ASPH: variants seen among roughly 807,000 people sequenced by gnomAD.
ASPH encodes the protein aspartyl/asparaginyl beta-hydroxylase.
Under a neutral mutation model 118.4 loss-of-function variants are expected in ASPH, and 100 were observed. The observed-to-expected ratio is 0.84, with a 90% CI of 0.72 to 1.00. The LOEUF (loss-of-function observed/expected upper bound fraction) is 1.00. Ranked by LOEUF, ASPH falls within the 50% of genes least tolerant of loss-of-function variation. ASPH has a pLI of 0.00. For missense variants in ASPH, 920 were observed against 919.5 expected, an observed-to-expected ratio of 1.00 and a Z score of -0.01; for synonymous variants, 315 against 325.6, an observed-to-expected ratio of 0.97 and a Z score of 0.35.
chr8:61,695,850 C>G (rs1001002392), intron 1 of ASPH, among the ~76,000 whole-genome samples: 1 of 152,200 alleles, frequency 6.6e-6, no homozygotes, highest in Non-Finnish European at 1.5e-5. Flanking sequence ...ACTTCTTCTG[C>G]TAACACTTTA....
intron 21 of ASPH, among the ~76,000 whole-genome samples, chr8:61,534,193 C>T (rs369592764): frequency 1.9e-4 from 29 of 152,280 alleles, no homozygotes; most frequent in Admixed American, 1.3e-3. Context: ...GTGATCCGCC[C>T]GCCTTGGCCT....
chr8:61,625,032 C>A (rs2150592419), intron 13 of ASPH: 1 of 985,588 alleles, frequency 1.0e-6, no homozygotes, highest in East Asian at 1.1e-4. Flanking sequence ...ATCCTAAAAG[C>A]AGGGGGAAAA....
rs11336705 is a variant in ASPH at position 61,603,191 on chromosome 8, CAAAAAAAAAA to C, written c.976+15777_976+15786del. On this transcript the variant is annotated intron_variant, in intron 14 of 24. Transcript: ENST00000379454. ...CTGGGTGACAGAGTGAGACTTGTCT[CAAAAAAAAAA>C]AAAAAAAAAAAAAAAAAGAGAAAAG... 9.3e-4 allele frequency among the ~76,000 whole-genome samples: 57 copies of C among 61,382 alleles called. 1 individual carries two copies. The East Asian group carries it at 0.011, about 12-fold the overall frequency. The allele number at this position is 61,382 out of a possible 152,430, so 40.3% of individuals were successfully genotyped here.
intron 14 of ASPH, among the ~76,000 whole-genome samples, chr8:61,599,459 T>A: frequency 1.5e-5 from 2 of 129,526 alleles, no homozygotes; most frequent in African/African-American, 2.9e-5. Context: ...CCCTAGAACT[T>A]AAAGTATATT....
At chr8:61,539,827 A>C (rs1057505221) in intron 21 of ASPH, among the ~76,000 whole-genome samples, 1 of 151,494 alleles carries the variant, frequency 6.6e-6, no homozygotes, top group African/African-American at 2.4e-5. Flanking sequence ...TTTCAATGTT[A>C]CTATAGTGTT....
At chr8:61,673,041 A>C (rs1823395709) in intron 3 of ASPH, among the ~76,000 whole-genome samples, 1 of 152,234 alleles carries the variant, frequency 6.6e-6, no homozygotes, top group Non-Finnish European at 1.5e-5. Context: ...CACAAACATC[A>C]AGGTAGACAA....
intron 24 of ASPH, among the ~76,000 whole-genome samples, chr8:61,511,381 C>G (rs145215588): frequency 1.4e-4 from 22 of 152,260 alleles, no homozygotes; most frequent in African/African-American, 5.3e-4. Context: ...GGCAATAATG[C>G]TGAATCTGCA....
chr8:61,626,217 G>T, intron 13 of ASPH: 1 of 1,479,694 alleles, frequency 6.8e-7, no homozygotes, highest in Non-Finnish European at 8.9e-7. Context: ...GCCATCTTTT[G>T]GAGCGTATGG....
At chr8:61,649,827 C>CA (rs1160089056) in intron 5 of ASPH, among the ~76,000 whole-genome samples, 1 of 152,194 alleles carries the variant, frequency 6.6e-6, no homozygotes, top group Non-Finnish European at 1.5e-5. Context: ...ACAGAAGGCA[C>CA]AACACTCCTA....
intron 13 of ASPH, among the ~76,000 whole-genome samples, chr8:61,621,331 AAAAAGAAAAG>A (rs55796159): frequency 4.4e-4 from 62 of 142,188 alleles, no homozygotes; most frequent in African/African-American, 9.3e-4. Context: ...GCAAAAAAAA[AAAAAGAAAAG>A]AAAAGAAAAG....
intron 14 of ASPH, among the ~76,000 whole-genome samples, chr8:61,589,890 ACTAAT>A (rs1292179945): frequency 1.3e-5 from 2 of 152,192 alleles, no homozygotes; most frequent in African/African-American, 4.8e-5. Flanking sequence ...GAGGAGTGGT[ACTAAT>A]CTATTTGGGA....
At chr8:61,536,302 G>A (rs935414803) in intron 21 of ASPH, among the ~76,000 whole-genome samples, 1 of 152,142 alleles carries the variant, frequency 6.6e-6, no homozygotes, top group African/African-American at 2.4e-5. Flanking sequence ...GCCTCCCAAA[G>A]TGCTGTGATT....
rs149021862 is a variant in ASPH at position 61,607,913 on chromosome 8, G to T, written c.976+11065C>A. Among the ~76,000 whole-genome samples the T allele has an allele frequency of 4.5e-3, 683 of 152,316 alleles. 2 individuals carry two copies. The highest frequency in any genetic ancestry group is 5.9e-3 in the Non-Finnish European group (398 of 68,026). Reference sequence around the variant, plus strand: ...GTTAAGCAGCAAAAATCTCAAAGAGGATAGTGTCTACTCTCAGCTGCTGAA... The same window carrying T: ...GTTAAGCAGCAAAAATCTCAAAGAGTATAGTGTCTACTCTCAGCTGCTGAA... On this transcript the variant is annotated intron_variant, in intron 14 of 24. Coordinates refer to ENST00000379454, the MANE Select transcript of ASPH (RefSeq NM_004318.4).
intron 11 of ASPH, 82 bp downstream of exon 11, chr8:61,638,240 T>C: frequency 2.7e-6 from 4 of 1,501,250 alleles, no homozygotes; most frequent in Non-Finnish European, 3.6e-6. Flanking sequence ...CTACACTGAC[T>C]CTTTGTTCCA....
chr8:61,703,963 A>G (rs1835870594), intron 1 of ASPH, among the ~76,000 whole-genome samples: 1 of 152,066 alleles, frequency 6.6e-6, no homozygotes, highest in African/African-American at 2.4e-5. Flanking sequence ...TGGGAGGCCG[A>G]GGCGGGCGGA....
intron 3 of ASPH, chr8:61,676,205 A>G (rs1825263376): frequency 6.3e-7 from 1 of 1,598,878 alleles, no homozygotes; most frequent in Non-Finnish European, 8.5e-7. Context: ...AGGAGTCATT[A>G]TATCATAGAG....
At position 61,641,457 on chromosome 8, in the gene ASPH, A is replaced by C. The variant is rs563810129; in HGVS notation, c.790+1431T>G. 2.6e-5 allele frequency among the ~76,000 whole-genome samples: 4 copies of C among 152,242 alleles called. No homozygotes were observed. In the East Asian group the frequency reaches 5.8e-4, roughly 22 times the overall value. On this transcript the variant is annotated intron_variant, in intron 10 of 24. Transcript: ENST00000379454. ...AGATTGGAAAGAAAATCTAAGTGCA[A>C]TCTCAAGACCAAATTATTCCCCAAC... is the stretch of plus-strand genomic sequence containing the variant.
In ASPH at chr8:61,583,876, T is replaced by TA. The variant is rs1563915854; in HGVS notation, c.1062+67dup. 6.1e-6 allele frequency: 7 copies of TA among 1,152,146 alleles called. No homozygotes were observed. The African/African-American group carries it at 8.0e-5, about 13-fold the overall frequency. The allele number at this position is 1,152,146 out of a possible 1,614,324, so 71.4% of individuals were successfully genotyped here. A position where few individuals can be genotyped will look rare whatever the true frequency, so the allele number is the denominator to read the frequency against. On this transcript the variant is annotated intron_variant, in intron 15 of 24. Coordinates refer to ENST00000379454, the MANE Select transcript of ASPH (RefSeq NM_004318.4). ...TTACACTTACTATTTTTTTTTTTTT[T>TA]AACAAATCAAGAGTAATGCCTGAGT... is the stretch of plus-strand genomic sequence containing the variant.
At chr8:61,686,878 A>G (rs562520108) in intron 1 of ASPH, among the ~76,000 whole-genome samples, 1 of 152,328 alleles carries the variant, frequency 6.6e-6, no homozygotes, top group Non-Finnish European at 1.5e-5. Flanking sequence ...GAAAACAGCA[A>G]GGCTAAACAA....
Sources: allele counts gnomAD v4.1 joint callset (sites outside exome capture counted in the v4.1 genomes callset), GRCh38; gene constraint gnomAD v4.1.1; transcripts MANE v1.5; gene names NCBI Gene and HGNC (gene_info 2026-07-23, HGNC 2026-07-21).